The following AOPEP variants were observed in gnomAD, a reference collection of about 807,000 sequenced individuals.
AOPEP encodes the protein aminopeptidase O (putative).
In AOPEP, 77 loss-of-function variants were observed where a neutral mutation model predicts 98.1. That is an observed-to-expected ratio of 0.78 (90% CI 0.65 to 0.95). The LOEUF (loss-of-function observed/expected upper bound fraction) is 0.95, where lower values mean the gene tolerates loss of function less well. Among genes scored for constraint, AOPEP ranks in the 40% least tolerant of loss-of-function variants. AOPEP has a pLI of 0.00. For synonymous variants in AOPEP, 346 were observed against 365.3 expected (o/e 0.95, Z 0.60); for missense variants, 1,024 against 1,024.7 (o/e 1.00, Z 0.01).
intron 2 of AOPEP, among the ~76,000 whole-genome samples, chr9:94,770,824 C>T (rs1318167991): frequency 1.3e-5 from 2 of 152,122 alleles, no homozygotes; most frequent in African/African-American, 4.8e-5. Flanking sequence ...TTGCTCTACA[C>T]AGGTCTGTTT....
chr9:95,091,135 C>G (rs1376587797), downstream of AOPEP, among the ~76,000 whole-genome samples: 8 of 152,240 alleles, frequency 5.3e-5, no homozygotes, highest in East Asian at 1.3e-3. Flanking sequence ...CCAAGGGCCG[C>G]TTTCAAGGGA....
intron 3 of AOPEP, among the ~76,000 whole-genome samples, chr9:94,778,590 G>C (rs1842664969): frequency 6.6e-6 from 1 of 152,206 alleles, no homozygotes; most frequent in Non-Finnish European, 1.5e-5. Flanking sequence ...ATGGAAACCA[G>C]ATCAGTGGTT....
chr9:94,907,594 A>T (rs112870566), intron 5 of AOPEP, among the ~76,000 whole-genome samples: 1 of 151,980 alleles, frequency 6.6e-6, no homozygotes, highest in African/African-American at 2.4e-5. Flanking sequence ...GTGCACACAC[A>T]TGCACACCCT....
intron 5 of AOPEP, among the ~76,000 whole-genome samples, chr9:94,875,824 C>G (rs546146181): frequency 6.6e-6 from 1 of 152,156 alleles, no homozygotes; most frequent in Non-Finnish European, 1.5e-5. Flanking sequence ...GTAAATGACT[C>G]CTTTGTTCTG....
At chr9:95,068,781 C>G (rs1210038166) in intron 14 of AOPEP, among the ~76,000 whole-genome samples, 3 of 152,124 alleles carry the variant, frequency 2.0e-5, no homozygotes, top group African/African-American at 7.2e-5. Context: ...GTTTCTCTAG[C>G]TCTTGAACAG....
intron 14 of AOPEP, among the ~76,000 whole-genome samples, chr9:95,063,939 T>C (rs1453074913): frequency 1.3e-5 from 2 of 151,804 alleles, no homozygotes; most frequent in African/African-American, 4.9e-5. Flanking sequence ...AAATCTCAAC[T>C]TAGTAAGGTG....
chr9:95,111,099 T>C, the AOPEP span: 2 of 1,521,306 alleles, frequency 1.3e-6, no homozygotes, highest in Non-Finnish European at 1.8e-6. Context: ...GTGGCCAGGC[T>C]CTGCTGCCGG....
At chr9:94,805,153 A>G (rs1306322586) in intron 5 of AOPEP, among the ~76,000 whole-genome samples, 1 of 152,108 alleles carries the variant, frequency 6.6e-6, no homozygotes, top group Non-Finnish European at 1.5e-5. Flanking sequence ...CAGACGGGTT[A>G]TGGGAAGAGA....
intron 1 of AOPEP, among the ~76,000 whole-genome samples, chr9:94,743,208 A>G (rs199513563): frequency 2.2e-5 from 3 of 139,060 alleles, no homozygotes; most frequent in Non-Finnish European, 4.5e-5. Context: ...AAGAGGAAGA[A>G]GAGGAAGAAG....
chr9:95,094,478 G>C, the AOPEP span, among the ~76,000 whole-genome samples: 5 of 152,020 alleles, frequency 3.3e-5, no homozygotes, highest in African/African-American at 1.2e-4. Context: ...TTCAACACTC[G>C]TGCCCCACTT....
intron 3 of AOPEP, among the ~76,000 whole-genome samples, chr9:94,791,886 G>T (rs549549982): frequency 1.3e-5 from 2 of 152,294 alleles, no homozygotes; most frequent in Non-Finnish European, 2.9e-5. Flanking sequence ...TATAGCAGAT[G>T]CTCGGAAAAT....
intron 2 of AOPEP, among the ~76,000 whole-genome samples, chr9:94,768,832 G>T (rs536731784): frequency 6.6e-6 from 1 of 152,208 alleles, no homozygotes; most frequent in Non-Finnish European, 1.5e-5. Context: ...ATGTTGGAAG[G>T]AATTACTCGA....
At position 95,000,824 on chromosome 9, in the gene AOPEP, G is replaced by A. The variant is rs73657026; in HGVS notation, c.1978-4334G>A. Reference sequence around the variant, plus strand: ...ACCTTGATTTTATTTCTAGACGTGTGTAGATTCCTACTTTTAAATTCACCC... The same window carrying A: ...ACCTTGATTTTATTTCTAGACGTGTATAGATTCCTACTTTTAAATTCACCC... On this transcript the variant is annotated intron_variant, in intron 11 of 16. Coordinates refer to ENST00000375315, the MANE Select transcript of AOPEP (RefSeq NM_001193329.3). Among the ~76,000 whole-genome samples, 479 of 152,302 alleles carry A rather than the reference G, an allele frequency of 3.1e-3. 1 individual carries two copies. The highest frequency in any genetic ancestry group is 0.011 in the African/African-American group (465 of 41,562).
chr9:94,871,222 T>G (rs2046316531), intron 5 of AOPEP, among the ~76,000 whole-genome samples: 1 of 152,244 alleles, frequency 6.6e-6, no homozygotes, highest in South Asian at 2.1e-4. Context: ...ATCTTTAGCT[T>G]TGCTCTCTTA....
intron 5 of AOPEP, among the ~76,000 whole-genome samples, chr9:94,833,235 C>CTTTTTTTTTTT (rs34212567): frequency 2.8e-5 from 2 of 70,318 alleles, no homozygotes; most frequent in African/African-American, 5.7e-5. Flanking sequence ...CACACCCGTC[C>CTTTTTTTTTTT]TTTTTTTTTT....
At chr9:94,745,475 C>T (rs2132067496) in intron 1 of AOPEP, among the ~76,000 whole-genome samples, 2 of 152,012 alleles carry the variant, frequency 1.3e-5, no homozygotes, top group East Asian at 3.9e-4. Context: ...CGGGGTTTCA[C>T]CGTGTTAGCC....
At chr9:94,946,118 G>A (rs535226979) in intron 7 of AOPEP, among the ~76,000 whole-genome samples, 60 of 152,134 alleles carry the variant, frequency 3.9e-4, no homozygotes, top group African/African-American at 1.1e-3. Flanking sequence ...ATTCTATCTC[G>A]CAATATATAT....
chr9:94,733,105 CTTTTTTT>C (rs537104658), intron 1 of AOPEP, among the ~76,000 whole-genome samples: 11 of 128,944 alleles, frequency 8.5e-5, no homozygotes, highest in African/African-American at 3.2e-4. Context: ...TTTTCTTTCT[CTTTTTTT>C]TTTTTTTTTT....
intron 7 of AOPEP, among the ~76,000 whole-genome samples, chr9:94,943,912 T>A: frequency 1.1e-5 from 1 of 92,974 alleles, no homozygotes. Flanking sequence ...AGAGTGAGAC[T>A]CCATCTCAAA....
Sources: gnomAD v4.1 joint callset for allele counts (sites outside exome capture counted in the v4.1 genomes callset) on GRCh38, gnomAD v4.1.1 for gene constraint, MANE v1.5 for transcripts, NCBI Gene and HGNC (gene_info 2026-07-23, HGNC 2026-07-21) for gene names.